Variants in LRRC7 observed in about 807,000 individuals in gnomAD.
The protein encoded by LRRC7 is leucine-rich repeat-containing protein 7.
Under a neutral mutation model 175.7 loss-of-function variants are expected in LRRC7, and 23 were observed. The observed-to-expected ratio is 0.13, with a 90% CI of 0.09 to 0.19. LRRC7 has a LOEUF of 0.19. Among genes scored for constraint, LRRC7 ranks in the 10% least tolerant of loss-of-function variants. The probability of loss-of-function intolerance (pLI) is 1.00; values close to 1 mark genes in which losing one functional copy is unlikely to be tolerated. For synonymous variants in LRRC7, 685 were observed against 680.9 expected, an observed-to-expected ratio of 1.01 and a Z score of -0.09; for missense variants, 1,354 against 1,904.7, an observed-to-expected ratio of 0.71 and a Z score of 5.38.
intron 3 of LRRC7, among the ~76,000 whole-genome samples, chr1:69,764,374 G>T (rs971013136): frequency 4.0e-5 from 6 of 151,822 alleles, no homozygotes; most frequent in African/African-American, 1.4e-4. Flanking sequence ...CTTTAAAAAA[G>T]AGATTATAAT....
chr1:69,911,134 G>A (rs900491005), intron 7 of LRRC7, among the ~76,000 whole-genome samples: 2 of 152,178 alleles, frequency 1.3e-5, no homozygotes, highest in Admixed American at 6.5e-5. Context: ...GGAACTCCCT[G>A]ACCCCTTGCG....
At chr1:69,661,929 T>A (rs532699651) in intron 1 of LRRC7, among the ~76,000 whole-genome samples, 2 of 152,318 alleles carry the variant, frequency 1.3e-5, no homozygotes, top group African/African-American at 4.8e-5. Context: ...TTATTCTGCA[T>A]CTAACAGCTA....
rs552554735 is a variant in LRRC7, at chr1:69,877,700, T to A, written c.647+39417T>A. Among the ~76,000 whole-genome samples the A allele has an allele frequency of 2.0e-5, 3 of 152,304 alleles. No homozygotes were observed. The South Asian group carries it at 6.2e-4, about 32-fold the overall frequency. ...TCCTACCCTAGCCCCAGGTAACTAC[T>A]AAACTGCTTTCTGTCTTTATACATT... On this transcript the variant is annotated intron_variant, in intron 7 of 26. Coordinates refer to ENST00000651989, the MANE Select transcript of LRRC7 (RefSeq NM_001370785.2).
intron 1 of LRRC7, among the ~76,000 whole-genome samples, chr1:69,574,991 G>A (rs1387661456): frequency 2.0e-5 from 3 of 151,974 alleles, no homozygotes; most frequent in Non-Finnish European, 4.4e-5. Context: ...TGAACACTGG[G>A]CACACCACAC....
At chr1:69,915,869 C>T (rs1196848435) in intron 7 of LRRC7, among the ~76,000 whole-genome samples, 2 of 150,428 alleles carry the variant, frequency 1.3e-5, no homozygotes, top group East Asian at 3.9e-4. Context: ...AACAGTAACC[C>T]TATAACATAG....
chr1:70,065,087 C>G (rs1259491136), intron 23 of LRRC7, among the ~76,000 whole-genome samples: 2 of 151,934 alleles, frequency 1.3e-5, no homozygotes, highest in Non-Finnish European at 2.9e-5. Flanking sequence ...GTCACCAAAA[C>G]TACCTGTGAA....
At chr1:69,884,829 T>C (rs1477694693) in intron 7 of LRRC7, among the ~76,000 whole-genome samples, 1 of 142,984 alleles carries the variant, frequency 7.0e-6, no homozygotes, top group Non-Finnish European at 1.5e-5. Context: ...GCATGAAGGG[T>C]TTTTGAATTT....
At chr1:70,009,577 A>G (rs1156349854) in intron 11 of LRRC7, among the ~76,000 whole-genome samples, 1 of 152,142 alleles carries the variant, frequency 6.6e-6, no homozygotes, top group African/African-American at 2.4e-5. Flanking sequence ...GTATTTTATG[A>G]CAGGTACTGT....
At chr1:70,081,813 A>G (rs1047827033) in intron 24 of LRRC7, among the ~76,000 whole-genome samples, 1 of 152,190 alleles carries the variant, frequency 6.6e-6, no homozygotes, top group Admixed American at 6.5e-5. Flanking sequence ...CTAACACATC[A>G]GAATAGCAGG....
intron 2 of LRRC7, among the ~76,000 whole-genome samples, chr1:69,755,760 C>A (rs564130881): frequency 1.1e-4 from 16 of 151,886 alleles, no homozygotes; most frequent in Admixed American, 9.2e-4. Context: ...TACATAGTAA[C>A]ATGGCTATAC....
At chr1:69,612,042 AT>A in intron 1 of LRRC7, among the ~76,000 whole-genome samples, 1 of 152,026 alleles carries the variant, frequency 6.6e-6, no homozygotes, top group Non-Finnish European at 1.5e-5. Flanking sequence ...ATCGACTGTA[AT>A]TTCCTTCACG....
chr1:70,070,061 A>C (rs1001440488), intron 23 of LRRC7, among the ~76,000 whole-genome samples: 4 of 152,064 alleles, frequency 2.6e-5, no homozygotes, highest in African/African-American at 9.7e-5. Flanking sequence ...TGATGTGATC[A>C]GAGCTCATTG....
chr1:70,132,457 C>CTTTTTTTTT lies in LRRC7; in HGVS notation c.*10588_*10596dup, dbSNP rs149091576. Reference sequence around the variant, plus strand: ...TTTCTTTTTTCTTTTCTTTTCTTTTCTTTTTTTTTTTTTTTTTTTTTTTTT... The same window carrying CTTTTTTTTT: ...TTTCTTTTTTCTTTTCTTTTCTTTTCTTTTTTTTTTTTTTTTTTTTTTTTTTTTTTTTTT... On this transcript the variant is annotated 3_prime_UTR_variant, in exon 27 of 27. Transcript: ENST00000651989. Among the ~76,000 whole-genome samples the CTTTTTTTTT allele has an allele frequency of 1.2e-4, 9 of 76,472 alleles. No homozygotes were observed. Among genetic ancestry groups the CTTTTTTTTT allele is most frequent in the East Asian group, 4.3e-4 (1 of 2,308 alleles). 50.2% of individuals were successfully genotyped at this position (76,472 alleles called of 152,430 possible).
intron 8 of LRRC7, among the ~76,000 whole-genome samples, chr1:69,934,438 G>A (rs941060320): frequency 1.6e-5 from 2 of 123,572 alleles, no homozygotes; most frequent in African/African-American, 6.3e-5. Context: ...ATTTTTAATA[G>A]CAATTATCCC....
intron 1 of LRRC7, among the ~76,000 whole-genome samples, chr1:69,650,481 A>C (rs1430079155): frequency 1.4e-5 from 2 of 143,480 alleles, no homozygotes; most frequent in Non-Finnish European, 3.0e-5. Flanking sequence ...CAGAGCTTGC[A>C]GTGAGCCGAG....
At chr1:70,097,661 T>C (rs1477356655) in intron 25 of LRRC7, among the ~76,000 whole-genome samples, 3 of 145,430 alleles carry the variant, frequency 2.1e-5, no homozygotes, top group Non-Finnish European at 4.5e-5. Flanking sequence ...CCTTCCTGTG[T>C]CCATGTGATC....
At chr1:69,717,040 A>G (rs1665437809) in intron 2 of LRRC7, among the ~76,000 whole-genome samples, 1 of 151,352 alleles carries the variant, frequency 6.6e-6, no homozygotes, top group Non-Finnish European at 1.5e-5. Flanking sequence ...ATAAAAACTG[A>G]TTTTACATAT....
intron 7 of LRRC7, among the ~76,000 whole-genome samples, chr1:69,915,793 CAG>C (rs780760937): frequency 6.6e-6 from 1 of 151,648 alleles, no homozygotes; most frequent in African/African-American, 2.4e-5. Flanking sequence ...ATAACTAACA[CAG>C]AGAGTATTTA....
chr1:70,013,919 G>C (rs1656743066), intron 13 of LRRC7: 1 of 151,984 alleles, frequency 6.6e-6, no homozygotes, highest in South Asian at 2.1e-4. Context: ...GAAGTTTCAG[G>C]ATAAGCATTG....
Sources: allele counts gnomAD v4.1 joint callset (sites outside exome capture counted in the v4.1 genomes callset), GRCh38; gene constraint gnomAD v4.1.1; transcripts MANE v1.5; gene names NCBI Gene and HGNC (gene_info 2026-07-23, HGNC 2026-07-21).